The following WNT5B variants were observed in gnomAD, a reference collection of about 807,000 sequenced individuals.
WNT5B encodes protein Wnt-5b.
A neutral mutation model predicts 36.5 loss-of-function variants in WNT5B; 18 were observed. The ratio of observed to expected loss-of-function variants is 0.49; its 90% CI spans 0.34 to 0.73. WNT5B has a LOEUF of 0.73. Among genes scored for constraint, WNT5B ranks in the 30% least tolerant of loss-of-function variants. The probability of loss-of-function intolerance (pLI) is 0.01; values close to 1 mark genes in which losing one functional copy is unlikely to be tolerated. For missense variants in WNT5B, 424 were observed against 508.4 expected (o/e 0.83, Z 1.60); for synonymous variants, 213 against 212.3 (o/e 1.00, Z -0.03).
intron 4 of WNT5B, among the ~76,000 whole-genome samples, chr12:1,643,421 A>G (rs921353053): frequency 8.6e-5 from 13 of 151,988 alleles, no homozygotes; most frequent in Non-Finnish European, 1.0e-4. Context: ...CTGGAGTGCA[A>G]TGGCGCGATC....
chr12:1,639,014 T>C (rs899830618), intron 3 of WNT5B, among the ~76,000 whole-genome samples: 25 of 152,296 alleles, frequency 1.6e-4, no homozygotes, highest in Admixed American at 9.8e-4. Context: ...CCATGTTCTG[T>C]GTGTTTCTGA....
intron 4 of WNT5B, among the ~76,000 whole-genome samples, chr12:1,645,569 G>A (rs1378197765): frequency 2.0e-5 from 3 of 152,230 alleles, no homozygotes; most frequent in South Asian, 2.1e-4. Flanking sequence ...GGCTGATGGG[G>A]ACAAGTTGCC....
rs571579673 is a variant in WNT5B, at chr12:1,639,377, G to A, written c.329-307G>A. On this transcript the variant is annotated intron_variant, in intron 3 of 4. Transcript: ENST00000397196. The stretch of plus-strand genomic sequence containing the variant: ...CTGGTCTCGATCTCCTGACCTCGTG[G>A]TCCGCCCGCCCCGGCCTCCCAAAGG... 3.3e-4 allele frequency among the ~76,000 whole-genome samples: 50 copies of A among 152,226 alleles called. 1 individual carries two copies. The highest frequency in any genetic ancestry group is 8.7e-4 in the African/African-American group (36 of 41,522).
chr12:1,630,202 G>A lies in WNT5B; in HGVS notation c.-58+831G>A, dbSNP rs991256698. On this transcript the variant is annotated intron_variant, in intron 1 of 4. Coordinates refer to ENST00000397196, the MANE Select transcript of WNT5B (RefSeq NM_032642.3). This position sits in a 1 kb window ranked among gnomAD's most constrained non-coding sequence, Gnocchi z 5.3. ...CGCGCGAGAGTGGCGCAGTGAGCCG[G>A]GGCGCGCGGGGCTGCGCTCGTCAGG... is the stretch of plus-strand genomic sequence containing the variant. 9.1e-6 allele frequency: 9 copies of A among 985,398 alleles called. No homozygotes were observed. Among genetic ancestry groups the A allele is most frequent in the Non-Finnish European group, 9.6e-6 (8 of 829,940 alleles). 61.0% of individuals were successfully genotyped at this position (985,398 alleles called of 1,614,324 possible). A position where few individuals can be genotyped will look rare whatever the true frequency, so the allele number is the denominator to read the frequency against.
chr12:1,637,672 C>G (rs1016391756), intron 3 of WNT5B, among the ~76,000 whole-genome samples: 3 of 150,942 alleles, frequency 2.0e-5, no homozygotes, highest in Non-Finnish European at 4.4e-5. Flanking sequence ...ATTGTTTGAA[C>G]TCGGGCAGCA....
chr12:1,642,518 T>C (rs539816151), intron 4 of WNT5B, among the ~76,000 whole-genome samples: 1 of 152,282 alleles, frequency 6.6e-6, no homozygotes, highest in South Asian at 2.1e-4. Flanking sequence ...CAACCCTGTA[T>C]GTGCTGTATG....
upstream of WNT5B, among the ~76,000 whole-genome samples, chr12:1,628,215 G>A (rs1026652560): frequency 6.6e-6 from 1 of 150,874 alleles, no homozygotes; most frequent in African/African-American, 2.4e-5. Context: ...GAGTGCAGTT[G>A]TGCTATCTTG....
At chr12:1,619,983 G>A (rs989824652) in intron 1 of WNT5B, among the ~76,000 whole-genome samples, 4 of 151,928 alleles carry the variant, frequency 2.6e-5, no homozygotes, top group Admixed American at 6.6e-5. Context: ...TGTACTTTCC[G>A]CCAAGAAAAT....
chr12:1,645,949 C>T lies in WNT5B; in HGVS notation c.777C>T (p.Arg259=). ...YDSAAAMRVT[R]KGRLELVNSR... is the part of the protein sequence containing the mutation. ...GCGCGGCCGCCATGCGCGTCACCCGCAAGGGCCGGCTGGAGCTGGTCAACA... is the reference window on the plus strand; with the variant it reads ...GCGCGGCCGCCATGCGCGTCACCCGTAAGGGCCGGCTGGAGCTGGTCAACA... The change falls in exon 5 of 5, where the codon CGC becomes CGT. Residue 259 remains arginine, a synonymous_variant. Coordinates refer to ENST00000397196, the MANE Select transcript of WNT5B (RefSeq NM_032642.3). 6.2e-7 allele frequency: 1 copy of T among 1,610,316 alleles called. No homozygotes were observed. Among genetic ancestry groups the T allele is most frequent in the Middle Eastern group, 1.6e-4 (1 of 6,062 alleles).
At chr12:1,628,299 G>T (rs2094544033), upstream of WNT5B, among the ~76,000 whole-genome samples, 1 of 152,080 alleles carries the variant, frequency 6.6e-6, no homozygotes, top group Non-Finnish European at 1.5e-5. Flanking sequence ...GCGACTGCAG[G>T]CATGTGCCAC....
chr12:1,633,675 C>T lies in WNT5B; in HGVS notation c.328+770C>T, dbSNP rs2094555289. On this transcript the variant is annotated intron_variant, in intron 3 of 4. Coordinates refer to ENST00000397196, the MANE Select transcript of WNT5B (RefSeq NM_032642.3). This position sits in a 1 kb window ranked among gnomAD's most constrained non-coding sequence, Gnocchi z 4.8. ...GCCCTATTCTACTGGGTCTTATCCCCAGGGCCATAAAAGGGAAGTGTTAGA... is the reference window on the plus strand; with the variant it reads ...GCCCTATTCTACTGGGTCTTATCCCTAGGGCCATAAAAGGGAAGTGTTAGA... Among the ~76,000 whole-genome samples the T allele has an allele frequency of 6.6e-6, 1 of 152,202 alleles. No homozygotes were observed. Among genetic ancestry groups the T allele is most frequent in the African/African-American group, 2.4e-5 (1 of 41,436 alleles).
At chr12:1,631,177 T>G in intron 1 of WNT5B, 121 bp from the exon 2 acceptor site, 1 of 862,350 alleles carries the variant, frequency 1.2e-6, no homozygotes, top group Non-Finnish European at 1.7e-6. Flanking sequence ...GAGGCCGAGC[T>G]TCTTTGTGGG....
intron 3 of WNT5B, among the ~76,000 whole-genome samples, chr12:1,634,141 C>T (rs2094556180): frequency 6.6e-6 from 1 of 152,134 alleles, no homozygotes; most frequent in African/African-American, 2.4e-5. Context: ...GGTATCAACT[C>T]AGGGTGCATA....
Position 1,645,920 on chromosome 12 carries a change from G to A in WNT5B, c.748G>A (p.Asp250Asn), listed in dbSNP as rs139541360. The change falls in exon 5 of 5, where the codon GAC (aspartate) becomes AAC (asparagine). Residue 250 changes from aspartate to asparagine, a missense_variant. Transcript: ENST00000397196. The stretch of plus-strand genomic sequence containing the variant: ...CGGGGACCGGCTGAAGGAGAAGTAC[G>A]ACAGCGCGGCCGCCATGCGCGTCAC... ...KVGDRLKEKYDSAAAMRVTRK... is the reference protein window; with the variant it reads ...KVGDRLKEKYNSAAAMRVTRK... 2.1e-5 allele frequency: 34 copies of A among 1,610,304 alleles called. No individual in the cohort carries two copies. The highest frequency in any genetic ancestry group is 1.1e-4 in the African/African-American group (8 of 74,948).
rs1190649138 is a variant in WNT5B at position 1,632,397 on chromosome 12, C to A, written c.81-261C>A. On this transcript the variant is annotated intron_variant, in intron 2 of 4. Coordinates refer to ENST00000397196, the MANE Select transcript of WNT5B (RefSeq NM_032642.3). The surrounding 1 kb of genome is among the most constrained non-coding windows in gnomAD (Gnocchi z 5.8). ...TCTCTTCAGCCATAAGGGCTATTTT[C>A]CTATCTGATCACAGCAGATCCAGAA... Among the ~76,000 whole-genome samples, 1 of 152,168 alleles carries A rather than the reference C, an allele frequency of 6.6e-6. No individual in the cohort carries two copies. Among genetic ancestry groups the A allele is most frequent in the Non-Finnish European group, 1.5e-5 (1 of 68,034 alleles).
chr12:1,641,403 G>T (rs1439466340), intron 4 of WNT5B, among the ~76,000 whole-genome samples: 1 of 142,258 alleles, frequency 7.0e-6, no homozygotes, highest in African/African-American at 2.7e-5. Context: ...AAAAAAAAAT[G>T]AGAATGGCAA....
rs552009326 is a variant in WNT5B at position 1,638,821 on chromosome 12, T to C, written c.329-863T>C. Among the ~76,000 whole-genome samples, 3 of 152,340 alleles carry C rather than the reference T, an allele frequency of 2.0e-5. No individual in the cohort carries two copies. In the South Asian group the frequency reaches 6.2e-4, roughly 32 times the overall value. ...TGGATTTTTCTAGACATTGTAATTC[T>C]AGTTCATTTTTGACTCCTGGCCTCT... On this transcript the variant is annotated intron_variant, in intron 3 of 4. Coordinates refer to ENST00000397196, the MANE Select transcript of WNT5B (RefSeq NM_032642.3).
At chr12:1,628,757 T>C (rs1264280758), upstream of WNT5B, among the ~76,000 whole-genome samples, 1 of 152,178 alleles carries the variant, frequency 6.6e-6, no homozygotes, top group African/African-American at 2.4e-5. Flanking sequence ...CGCCAGCATT[T>C]ACCTTTCTAA....
At chr12:1,631,566 A>G in intron 2 of WNT5B, 132 bp downstream of exon 2, 1 of 1,392,752 alleles carries the variant, frequency 7.2e-7, no homozygotes, top group East Asian at 2.4e-5. Flanking sequence ...CTTTTATCCC[A>G]GGAAAACTAA....
Sources: gnomAD v4.1 joint callset for allele counts (sites outside exome capture counted in the v4.1 genomes callset) on GRCh38, gnomAD v4.1.1 for gene constraint, Gnocchi (gnomAD v3.1) non-coding constraint, MANE v1.5 for transcripts, NCBI Gene and HGNC (gene_info 2026-07-23, HGNC 2026-07-21) for gene names.